The following FBXO4 variants were observed in gnomAD, a reference collection of about 807,000 sequenced individuals.
The protein encoded by FBXO4 is F-box protein 4, also known as F-box only protein 4.
In FBXO4, 36 loss-of-function variants were observed where a neutral mutation model predicts 43.7. That is an observed-to-expected ratio of 0.82 (90% CI 0.63 to 1.09). The LOEUF is 1.09. FBXO4 is among the 50% of genes least tolerant of loss of function. FBXO4 has a pLI of 0.00. For synonymous variants in FBXO4, 180 were observed against 165.6 expected, an observed-to-expected ratio of 1.09 and a Z score of -0.67; for missense variants, 435 against 474.1, an observed-to-expected ratio of 0.92 and a Z score of 0.77.
chr5:41,992,429 C>T, the FBXO4 span, among the ~76,000 whole-genome samples: 19 of 152,262 alleles, frequency 1.2e-4, no homozygotes, highest in East Asian at 5.8e-4. Context: ...TGGACCCATA[C>T]AATTTTTTAC....
the FBXO4 span, chr5:41,951,943 G>A: frequency 2.8e-5 from 9 of 324,190 alleles, no homozygotes; most frequent in South Asian, 2.7e-4. Context: ...ACAGCCTGGT[G>A]GTCAGTATTC....
the FBXO4 span, among the ~76,000 whole-genome samples, chr5:41,954,497 C>A: frequency 6.6e-6 from 1 of 152,204 alleles, no homozygotes; most frequent in Non-Finnish European, 1.5e-5. Flanking sequence ...GCACCCCTGA[C>A]TGTAGCACTG....
chr5:41,943,947 A>G (rs1159406930), downstream of FBXO4, among the ~76,000 whole-genome samples: 1 of 152,210 alleles, frequency 6.6e-6, no homozygotes, highest in Non-Finnish European at 1.5e-5. Context: ...ACATGAGGAC[A>G]TAGTGAGAAG....
the FBXO4 span, among the ~76,000 whole-genome samples, chr5:41,977,441 T>TA: frequency 3.9e-5 from 6 of 152,366 alleles, no homozygotes; most frequent in South Asian, 1.2e-3. Context: ...GCAGCCAGAC[T>TA]AACTCTTGAA....
At chr5:42,007,951 T>A in the FBXO4 span, among the ~76,000 whole-genome samples, 1 of 152,024 alleles carries the variant, frequency 6.6e-6, no homozygotes, top group Non-Finnish European at 1.5e-5. Context: ...ATGAGACAGT[T>A]AATAATTTGG....
chr5:41,996,072 C>A, the FBXO4 span, among the ~76,000 whole-genome samples: 7 of 152,192 alleles, frequency 4.6e-5, no homozygotes, highest in Admixed American at 1.3e-4. Flanking sequence ...ACAGGGAACT[C>A]CCCATGAGGC....
At chr5:42,025,112 GT>G in the FBXO4 span, among the ~76,000 whole-genome samples, 1 of 118,704 alleles carries the variant, frequency 8.4e-6, no homozygotes, top group African/African-American at 3.9e-5. Flanking sequence ...TTTTTGTTTT[GT>G]TTTTTTAGAA....
chr5:41,946,378 C>G (rs1018866161), downstream of FBXO4, among the ~76,000 whole-genome samples: 4 of 152,164 alleles, frequency 2.6e-5, no homozygotes, highest in Admixed American at 2.0e-4. Context: ...GCATAAATCA[C>G]AATTGAAAAA....
At chr5:41,944,605 G>A (rs544627369), downstream of FBXO4, among the ~76,000 whole-genome samples, 1 of 152,280 alleles carries the variant, frequency 6.6e-6, no homozygotes, top group East Asian at 1.9e-4. Context: ...AATGTTAGAA[G>A]TCTTTTCCTT....
chr5:42,016,332 T>C, the FBXO4 span, among the ~76,000 whole-genome samples: 2 of 151,966 alleles, frequency 1.3e-5, no homozygotes, highest in Admixed American at 1.3e-4. Context: ...AGGAGAAAGA[T>C]GCAGAAGGAA....
chr5:42,032,256 G>A, the FBXO4 span, among the ~76,000 whole-genome samples: 1 of 152,174 alleles, frequency 6.6e-6, no homozygotes, highest in African/African-American at 2.4e-5. Flanking sequence ...GTTTTTCAAG[G>A]CCCTGGGGCT....
chr5:42,027,975 C>T, the FBXO4 span, among the ~76,000 whole-genome samples: 11 of 151,888 alleles, frequency 7.2e-5, no homozygotes, highest in African/African-American at 2.7e-4. Flanking sequence ...GAGAATGACC[C>T]ATGTGCTAAA....
the FBXO4 span, among the ~76,000 whole-genome samples, chr5:41,987,166 A>T: frequency 1.3e-5 from 2 of 152,180 alleles, no homozygotes; most frequent in African/African-American, 2.4e-5. Flanking sequence ...AACAAGAGGC[A>T]ATTAGACTTG....
At chr5:42,003,926 G>T in the FBXO4 span, among the ~76,000 whole-genome samples, 1 of 152,076 alleles carries the variant, frequency 6.6e-6, no homozygotes, top group Non-Finnish European at 1.5e-5. Flanking sequence ...ACATGTGCAC[G>T]TATATTTATT....
the FBXO4 span, among the ~76,000 whole-genome samples, chr5:42,000,489 C>T: frequency 1.3e-5 from 2 of 151,954 alleles, no homozygotes; most frequent in African/African-American, 4.8e-5. Context: ...TTGAATATCC[C>T]TTGTTGAATA....
chr5:41,990,688 G>T, the FBXO4 span, among the ~76,000 whole-genome samples: 1 of 152,112 alleles, frequency 6.6e-6, no homozygotes, highest in Non-Finnish European at 1.5e-5. Context: ...ATCTAAGTTG[G>T]GAAATAACAT....
chr5:41,947,299 G>A, the FBXO4 span, among the ~76,000 whole-genome samples: 1 of 152,338 alleles, frequency 6.6e-6, no homozygotes, highest in South Asian at 2.1e-4. Context: ...AAGATGAGAA[G>A]GCAGGATTGG....
the FBXO4 span, among the ~76,000 whole-genome samples, chr5:42,009,939 C>T: frequency 6.6e-6 from 1 of 152,142 alleles, no homozygotes. Context: ...ATTCCCTCTC[C>T]TTTCATTATC....
chr5:41,993,427 A>G, the FBXO4 span, among the ~76,000 whole-genome samples: 6 of 152,176 alleles, frequency 3.9e-5, no homozygotes, highest in Admixed American at 2.0e-4. Flanking sequence ...CATATGCATC[A>G]TCTCACGTAG....
Sources: gnomAD v4.1 joint callset for allele counts (sites outside exome capture counted in the v4.1 genomes callset) on GRCh38, gnomAD v4.1.1 for gene constraint, MANE v1.5 for transcripts, NCBI Gene and HGNC (gene_info 2026-07-23, HGNC 2026-07-21) for gene names.